SHISA9: variants seen among roughly 807,000 people sequenced by gnomAD.
SHISA9 encodes the protein shisa family member 9, also known as protein shisa-9.
SHISA9 carries 13 observed loss-of-function variants against 38.0 expected under a neutral mutation model. That is an observed-to-expected ratio of 0.34 (90% CI 0.22 to 0.54). SHISA9 has a LOEUF of 0.54. SHISA9 is among the 20% of genes least tolerant of loss of function. The pLI is 0.91. For missense variants in SHISA9, 538 were observed against 575.8 expected (o/e 0.93, Z 0.67); for synonymous variants, 275 against 242.0 (o/e 1.14, Z -1.27).
the SHISA9 span, among the ~76,000 whole-genome samples, chr16:13,312,443 A>G: frequency 6.6e-6 from 1 of 152,208 alleles, no homozygotes; most frequent in African/African-American, 2.4e-5. Context: ...CTGAATGACG[A>G]CTGCCTTGAA....
At chr16:13,376,569 AG>A in the SHISA9 span, among the ~76,000 whole-genome samples, 3 of 152,256 alleles carry the variant, frequency 2.0e-5, no homozygotes, top group Non-Finnish European at 2.9e-5. Context: ...AAATTGAATC[AG>A]GACCATGGCT....
intron 2 of SHISA9, among the ~76,000 whole-genome samples, chr16:12,999,517 T>A (rs2072498538): frequency 6.6e-6 from 1 of 152,236 alleles, no homozygotes. Flanking sequence ...GAGAATCTAC[T>A]GTACTTGGTT....
chr16:12,977,139 C>T (rs1017756879), intron 2 of SHISA9, among the ~76,000 whole-genome samples: 1 of 152,174 alleles, frequency 6.6e-6, no homozygotes, highest in South Asian at 2.1e-4. Flanking sequence ...ACTGCAGTCT[C>T]TTCCCCCTGT....
At chr16:13,320,233 C>T in the SHISA9 span, among the ~76,000 whole-genome samples, 5 of 130,976 alleles carry the variant, frequency 3.8e-5, no homozygotes, top group South Asian at 2.5e-4. Flanking sequence ...AGAGGCTGCA[C>T]GGAGCCAAGA....
chr16:13,274,828 T>C, the SHISA9 span, among the ~76,000 whole-genome samples: 4 of 152,150 alleles, frequency 2.6e-5, no homozygotes, highest in Non-Finnish European at 4.4e-5. Context: ...CGGGCAGGAC[T>C]CACTAATTCC....
chr16:12,915,041 C>T (rs944029630), intron 1 of SHISA9, among the ~76,000 whole-genome samples: 3 of 152,180 alleles, frequency 2.0e-5, no homozygotes, highest in African/African-American at 4.8e-5. Flanking sequence ...GACTCTGTCT[C>T]CCAGTGTGTG....
At position 13,030,588 on chromosome 16, in the gene SHISA9, A is replaced by G. The variant is rs181707641; in HGVS notation, c.691+113773A>G. The stretch of plus-strand genomic sequence containing the variant: ...CAGAGCCTGCTTCTTAGGGAACTCA[A>G]CCTGAGATCCGGACCACATCAGTGA... On this transcript the variant is annotated intron_variant, in intron 2 of 4. Transcript: ENST00000558583. Among the ~76,000 whole-genome samples the G allele has an allele frequency of 2.6e-3, 394 of 152,242 alleles. 2 individuals carry two copies. The highest frequency in any genetic ancestry group is 8.9e-3 in the African/African-American group (370 of 41,540).
intron 2 of SHISA9, among the ~76,000 whole-genome samples, chr16:13,045,338 G>C (rs1227790323): frequency 2.0e-4 from 30 of 152,140 alleles, no homozygotes; most frequent in Admixed American, 2.0e-3. Context: ...AGTTTGATCA[G>C]GGTCAGTTTA....
At chr16:13,148,718 C>CAT (rs72200340) in intron 2 of SHISA9, among the ~76,000 whole-genome samples, 44,631 of 149,884 alleles carry the variant, frequency 0.3, 7,082 homozygotes, top group African/African-American at 0.41. Flanking sequence ...CACACACACA[C>CAT]ATCATGACTA....
At chr16:13,511,320 G>T in the SHISA9 span, among the ~76,000 whole-genome samples, 3 of 152,184 alleles carry the variant, frequency 2.0e-5, no homozygotes, top group African/African-American at 7.2e-5. Context: ...AATACCCAGA[G>T]TGAATAGAGA....
rs536178011 is a variant in SHISA9 at position 12,940,307 on chromosome 16, C to G, written c.691+23492C>G. Among the ~76,000 whole-genome samples the G allele has an allele frequency of 3.1e-3, 467 of 152,256 alleles. 3 individuals carry two copies. Among genetic ancestry groups the G allele is most frequent in the African/African-American group, 0.011 (437 of 41,538 alleles). ...CTCTATACTATAATTCCAAATACCCCCTTGCCTTTGCTGCACCCCAGCTTG... is the reference window on the plus strand; with the variant it reads ...CTCTATACTATAATTCCAAATACCCGCTTGCCTTTGCTGCACCCCAGCTTG... On this transcript the variant is annotated intron_variant, in intron 2 of 4. Transcript: ENST00000558583.
chr16:12,903,687 G>A (rs965888948), intron 1 of SHISA9, among the ~76,000 whole-genome samples: 2 of 152,126 alleles, frequency 1.3e-5, no homozygotes, highest in African/African-American at 2.4e-5. Context: ...CGAACAGCTG[G>A]ATGGTTGGGG....
At chr16:13,147,370 C>A (rs570789861) in intron 2 of SHISA9, among the ~76,000 whole-genome samples, 22 of 150,884 alleles carry the variant, frequency 1.5e-4, no homozygotes, top group Non-Finnish European at 3.1e-4. Flanking sequence ...AAAATAGTGA[C>A]AGCAGGAACT....
intron 2 of SHISA9, among the ~76,000 whole-genome samples, chr16:13,080,547 A>T (rs887561036): frequency 5.3e-5 from 8 of 152,178 alleles, no homozygotes; most frequent in Non-Finnish European, 8.8e-5. Flanking sequence ...TTCTAGCTTC[A>T]CCAAGACCAC....
chr16:13,000,721 T>C (rs1429096929), intron 2 of SHISA9, among the ~76,000 whole-genome samples: 1 of 152,170 alleles, frequency 6.6e-6, no homozygotes, highest in Non-Finnish European at 1.5e-5. Flanking sequence ...CCAGAGTGCC[T>C]GGTGCATGGT....
chr16:12,992,845 A>T (rs2072405894), intron 2 of SHISA9, among the ~76,000 whole-genome samples: 2 of 152,222 alleles, frequency 1.3e-5, no homozygotes, highest in African/African-American at 4.8e-5. Context: ...ACCATGTACT[A>T]GGCCATGACT....
chr16:12,923,846 A>C (rs1253557985), intron 2 of SHISA9, among the ~76,000 whole-genome samples: 1 of 151,996 alleles, frequency 6.6e-6, no homozygotes, highest in Non-Finnish European at 1.5e-5. Context: ...ATCTCCAAAA[A>C]AAAAAAATTA....
intron 2 of SHISA9, among the ~76,000 whole-genome samples, chr16:12,977,221 T>G (rs1485187049): frequency 6.6e-6 from 1 of 152,092 alleles, no homozygotes; most frequent in East Asian, 1.9e-4. Context: ...AATCCTATAG[T>G]AGGCACTGGG....
the SHISA9 span, among the ~76,000 whole-genome samples, chr16:13,351,154 A>G: frequency 6.6e-6 from 1 of 152,176 alleles, no homozygotes; most frequent in South Asian, 2.1e-4. Flanking sequence ...ATCACACAGC[A>G]AAAAGTGGCA....
Sources: gnomAD v4.1 joint callset for allele counts (sites outside exome capture counted in the v4.1 genomes callset) on GRCh38, gnomAD v4.1.1 for gene constraint, MANE v1.5 for transcripts, NCBI Gene and HGNC (gene_info 2026-07-23, HGNC 2026-07-21) for gene names.